DCC: variants seen among roughly 807,000 people sequenced by gnomAD.
DCC encodes DCC netrin 1 receptor.
DCC carries 58 observed loss-of-function variants against 172.5 expected under a neutral mutation model. That is an observed-to-expected ratio of 0.34 (90% CI 0.27 to 0.42). The LOEUF is 0.42. DCC is among the 10% of genes least tolerant of loss of function. The pLI is 1.00. For missense variants in DCC, 1,740 were observed against 1,791.0 expected, an observed-to-expected ratio of 0.97 and a Z score of 0.51; for synonymous variants, 709 against 644.5, an observed-to-expected ratio of 1.10 and a Z score of -1.52.
chr18:53,526,811 C>T, intron 28 of DCC, 52 bp downstream of exon 28: 2 of 1,599,522 alleles, frequency 1.3e-6, no homozygotes, highest in South Asian at 1.1e-5. Context: ...TTGACTGGCG[C>T]TGTGTAATAG....
intron 5 of DCC, among the ~76,000 whole-genome samples, chr18:52,926,658 T>C (rs2040206692): frequency 6.6e-6 from 1 of 151,498 alleles, no homozygotes; most frequent in African/African-American, 2.4e-5. Context: ...AGGTAAAGCA[T>C]TACTTGCATG....
At chr18:52,478,951 C>A (rs1989173719) in intron 1 of DCC, among the ~76,000 whole-genome samples, 1 of 152,066 alleles carries the variant, frequency 6.6e-6, no homozygotes, top group South Asian at 2.1e-4. Context: ...ATAGGTAATA[C>A]CATGTCAATT....
intron 27 of DCC, among the ~76,000 whole-genome samples, chr18:53,521,843 A>C (rs111836728): frequency 0.034 from 5,144 of 152,236 alleles, 311 homozygotes; most frequent in African/African-American, 0.12. Context: ...GTCAAAAATA[A>C]GTAAAAGATG....
intron 12 of DCC, among the ~76,000 whole-genome samples, chr18:53,256,799 G>A (rs937373453): frequency 2.0e-5 from 3 of 152,122 alleles, no homozygotes; most frequent in African/African-American, 7.2e-5. Context: ...AAATTACCTT[G>A]GGCAGTATGG....
chr18:52,755,205 A>T (rs1374272006), intron 2 of DCC, among the ~76,000 whole-genome samples: 3 of 152,170 alleles, frequency 2.0e-5, no homozygotes, highest in Non-Finnish European at 2.9e-5. Context: ...AGGCCAGAGG[A>T]GGTCTGCTGA....
intron 1 of DCC, among the ~76,000 whole-genome samples, chr18:52,446,336 CTG>C (rs1271522889): frequency 6.6e-6 from 1 of 152,140 alleles, no homozygotes; most frequent in African/African-American, 2.4e-5. Flanking sequence ...GTTTGAAATT[CTG>C]TATTTGCTTA....
chr18:52,542,693 G>A (rs1439327494), intron 1 of DCC, among the ~76,000 whole-genome samples: 1 of 152,126 alleles, frequency 6.6e-6, no homozygotes, highest in African/African-American at 2.4e-5. Context: ...AAAAAATTTA[G>A]CTGGGTGTGG....
At chr18:53,062,052 A>G (rs1381440222) in intron 5 of DCC, among the ~76,000 whole-genome samples, 3 of 152,096 alleles carry the variant, frequency 2.0e-5, no homozygotes, top group Non-Finnish European at 4.4e-5. Flanking sequence ...TAAGGAATCA[A>G]AAAAGCCTTA....
chr18:53,211,063 T>C (rs1287916885), intron 11 of DCC, among the ~76,000 whole-genome samples: 1 of 152,228 alleles, frequency 6.6e-6, no homozygotes, highest in East Asian at 1.9e-4. Flanking sequence ...TAAGAGCTTT[T>C]ATGAACGAAT....
intron 1 of DCC, among the ~76,000 whole-genome samples, chr18:52,694,517 A>T (rs1384851116): frequency 6.6e-6 from 1 of 152,140 alleles, no homozygotes; most frequent in Non-Finnish European, 1.5e-5. Context: ...TCTCAAAGGA[A>T]GTGTTGTACG....
chr18:53,503,434 G>A (rs73462952), intron 27 of DCC, among the ~76,000 whole-genome samples: 3,285 of 152,036 alleles, frequency 0.022, 61 homozygotes, highest in East Asian at 0.068. Context: ...ATCTATAGAC[G>A]TGAATAACCG....
intron 12 of DCC, among the ~76,000 whole-genome samples, chr18:53,271,770 G>A (rs1254459511): frequency 6.6e-6 from 1 of 152,140 alleles, no homozygotes; most frequent in Non-Finnish European, 1.5e-5. Context: ...GATTACACAA[G>A]AGTAAGGGGT....
chr18:53,496,448 C>T lies in DCC; in HGVS notation c.3899-2850C>T, dbSNP rs145993784. 6.4e-4 allele frequency among the ~76,000 whole-genome samples: 63 copies of T among 97,956 alleles called. No homozygotes were observed. The East Asian group carries it at 0.015, about 24-fold the overall frequency. 64.3% of individuals were successfully genotyped at this position (97,956 alleles called of 152,430 possible). ...AGGATGTCCACGAAGAGACTCCATC[C>T]GAAGGTCACCAACATCAAAGAAAGA... On this transcript the variant is annotated intron_variant, in intron 26 of 28. Coordinates refer to ENST00000442544, the MANE Select transcript of DCC (RefSeq NM_005215.4).
chr18:52,769,991 A>G (rs2145163895), intron 2 of DCC, among the ~76,000 whole-genome samples: 1 of 152,302 alleles, frequency 6.6e-6, no homozygotes, highest in South Asian at 2.1e-4. Context: ...TTCTCCTAAA[A>G]CAGTCTATTA....
At chr18:53,182,556 T>C (rs1480477354) in intron 9 of DCC, among the ~76,000 whole-genome samples, 1 of 152,240 alleles carries the variant, frequency 6.6e-6, no homozygotes, top group Non-Finnish European at 1.5e-5. Context: ...TATTGAGTAC[T>C]ACTAAACTCA....
At chr18:52,798,068 T>C (rs569625471) in intron 2 of DCC, among the ~76,000 whole-genome samples, 1 of 151,378 alleles carries the variant, frequency 6.6e-6, no homozygotes. Flanking sequence ...TGCACGAAGG[T>C]TGCTTGCACA....
chr18:53,292,264 C>A (rs2057014288), intron 12 of DCC, among the ~76,000 whole-genome samples: 1 of 152,132 alleles, frequency 6.6e-6, no homozygotes, highest in Non-Finnish European at 1.5e-5. Context: ...CTTTATTTTT[C>A]TTCCCATAAT....
chr18:52,568,926 A>G (rs1384922249), intron 1 of DCC, among the ~76,000 whole-genome samples: 1 of 152,234 alleles, frequency 6.6e-6, no homozygotes, highest in Non-Finnish European at 1.5e-5. Context: ...CTTGTGCATT[A>G]GAAATACTAT....
chr18:52,606,860 T>C (rs971830474), intron 1 of DCC, among the ~76,000 whole-genome samples: 3 of 152,182 alleles, frequency 2.0e-5, no homozygotes, highest in Non-Finnish European at 2.9e-5. Context: ...AACAAAGTTA[T>C]GGCCAATCTA....
Sources: allele counts gnomAD v4.1 joint callset (sites outside exome capture counted in the v4.1 genomes callset), GRCh38; gene constraint gnomAD v4.1.1; transcripts MANE v1.5; gene names NCBI Gene and HGNC (gene_info 2026-07-23, HGNC 2026-07-21).